The following CALR3 variants were observed in gnomAD, a reference collection of about 807,000 sequenced individuals.
CALR3 encodes calreticulin 3.
Under a neutral mutation model 48.7 loss-of-function variants are expected in CALR3, and 39 were observed. That is an observed-to-expected ratio of 0.80 (90% CI 0.62 to 1.05). The LOEUF is 1.05. Ranked by LOEUF, CALR3 falls within the 50% of genes least tolerant of loss-of-function variation. CALR3 has a pLI of 0.00. For missense variants in CALR3, 449 were observed against 474.7 expected (o/e 0.95, Z 0.50); for synonymous variants, 185 against 172.7 (o/e 1.07, Z -0.56).
intron 7 of CALR3, among the ~76,000 whole-genome samples, chr19:16,481,880 C>T (rs997300083): frequency 1.4e-5 from 2 of 148,076 alleles, no homozygotes; most frequent in Non-Finnish European, 3.0e-5. Flanking sequence ...CTGCTTGAGC[C>T]TAGAAGTTCT....
At chr19:16,482,237 C>T (rs2093382023) in intron 7 of CALR3, among the ~76,000 whole-genome samples, 1 of 151,602 alleles carries the variant, frequency 6.6e-6, no homozygotes, top group Admixed American at 6.6e-5. Context: ...AAAAAAAAAT[C>T]TGGATGTGGT....
At chr19:16,488,712 G>C (rs2093393018) in intron 3 of CALR3, among the ~76,000 whole-genome samples, 1 of 151,862 alleles carries the variant, frequency 6.6e-6, no homozygotes, top group Non-Finnish European at 1.5e-5. Context: ...CCGGCCTGAG[G>C]TACATTTATT....
chr19:16,480,832 G>A, intron 7 of CALR3, 126 bp from the exon 8 acceptor site: 1 of 754,902 alleles, frequency 1.3e-6, no homozygotes, highest in Non-Finnish European at 2.2e-6. Flanking sequence ...TAGAGATGGG[G>A]TCTTGCTATG....
chr19:16,489,744 G>A (rs966967990), intron 3 of CALR3, among the ~76,000 whole-genome samples: 3 of 152,236 alleles, frequency 2.0e-5, no homozygotes. Flanking sequence ...AGGAGGCGGA[G>A]ATTGCAGTGA....
chr19:16,484,582 A>C (rs2093386279), intron 4 of CALR3, among the ~76,000 whole-genome samples: 1 of 152,070 alleles, frequency 6.6e-6, no homozygotes, highest in East Asian at 1.9e-4. Context: ...CAGTGGTGCA[A>C]TCAGAGCTCA....
At position 16,495,894 on chromosome 19, in the gene CALR3, G is replaced by A. The variant is rs759970793; in HGVS notation, c.92-42C>T. The A allele has an allele frequency of 3.1e-6, 5 of 1,595,792 alleles. No individual in the cohort carries two copies. In the Admixed American group the frequency reaches 8.3e-5, roughly 27 times the overall value. On this transcript the variant is annotated intron_variant, in intron 1 of 8. Coordinates refer to ENST00000269881, the MANE Select transcript of CALR3 (RefSeq NM_145046.5). ...ATAACACCGGTTAGAGGTGATAATGGTTAATTTGGGCTAAGGGAAGGGTGA... is the reference window on the plus strand; with the variant it reads ...ATAACACCGGTTAGAGGTGATAATGATTAATTTGGGCTAAGGGAAGGGTGA...
Position 16,496,106 on chromosome 19 carries a change from G to T in CALR3, c.24C>A (p.Leu8=). The T allele has an allele frequency of 6.2e-7, 1 of 1,605,972 alleles. No homozygotes were observed. The part of the protein sequence containing the change: MARALVQ[L]WAICMLRVAL... ...CCACTCGCAGCATGCATATGGCCCAGAGCTGGACCAAAGCCCGGGCCATGG... is the reference window on the plus strand; with the variant it reads ...CCACTCGCAGCATGCATATGGCCCATAGCTGGACCAAAGCCCGGGCCATGG... The change falls in exon 1 of 9, where the codon CTC becomes CTA. Residue 8 remains leucine (L), a synonymous_variant. Coordinates refer to ENST00000269881, the MANE Select transcript of CALR3 (RefSeq NM_145046.5).
At chr19:16,480,585 G>A in intron 8 of CALR3, 29 bp downstream of exon 8, 1 of 1,460,872 alleles carries the variant, frequency 6.8e-7, no homozygotes, top group Non-Finnish European at 9.6e-7. Flanking sequence ...AAATAGTGAT[G>A]TAGGAAGAGT....
intron 3 of CALR3, among the ~76,000 whole-genome samples, chr19:16,489,659 A>T (rs1010691906): frequency 2.0e-5 from 3 of 151,246 alleles, no homozygotes; most frequent in African/African-American, 7.3e-5. Context: ...ATACAAAAAA[A>T]TTAGCCAGGT....
intron 3 of CALR3, among the ~76,000 whole-genome samples, chr19:16,486,674 T>TGTAGACA (rs1314975771): frequency 6.7e-6 from 1 of 149,750 alleles, no homozygotes; most frequent in Non-Finnish European, 1.5e-5. Flanking sequence ...CATGAGGAAA[T>TGTAGACA]GTAGACAGAT....
chr19:16,494,486 C>G (rs528858285), intron 2 of CALR3, among the ~76,000 whole-genome samples: 57 of 152,212 alleles, frequency 3.7e-4, no homozygotes, highest in Admixed American at 1.2e-3. Context: ...CTCAGCCTCC[C>G]GAGTAGCTGG....
At chr19:16,480,838 C>A in intron 7 of CALR3, 132 bp from the exon 8 acceptor site, 1 of 724,954 alleles carries the variant, frequency 1.4e-6, no homozygotes, top group Non-Finnish European at 2.3e-6. Flanking sequence ...TGGGGTCTTG[C>A]TATGTTGCCT....
In CALR3 at chr19:16,490,494, A is replaced by C; in HGVS notation, c.270T>G (p.Thr90=). 1 of 1,614,140 alleles carries C rather than the reference A, an allele frequency of 6.2e-7. No individual in the cohort carries two copies. The highest frequency in any genetic ancestry group is 8.5e-7 in the Non-Finnish European group (1 of 1,180,036). Reference sequence around the variant, plus strand: ...GTTTTACTGTGTACTGAATAACCAGAGTTTTCCCTTTATTGCTGAACGGTT... The same window carrying C: ...GTTTTACTGTGTACTGAATAACCAGCGTTTTCCCTTTATTGCTGAACGGTT... The part of the protein sequence containing the change: ...RFKPFSNKGK[T]LVIQYTVKHE... The change falls in exon 3 of 9, where the codon ACT becomes ACG. Residue 90 remains threonine, a synonymous_variant. Transcript: ENST00000269881.
intron 2 of CALR3, among the ~76,000 whole-genome samples, chr19:16,492,288 T>G (rs929529320): frequency 6.6e-6 from 1 of 150,908 alleles, no homozygotes; most frequent in Non-Finnish European, 1.5e-5. Context: ...GAAACTCCAT[T>G]TCTACTAAAA....
Position 16,485,150 on chromosome 19 carries a change from C to T in CALR3, c.492+13G>A, listed in dbSNP as rs2093387264. The T allele has an allele frequency of 6.5e-6, 10 of 1,530,908 alleles. No homozygotes were observed. The highest frequency in any genetic ancestry group is 9.1e-6 in the Non-Finnish European group (10 of 1,104,738). The allele number at this position is 1,530,908 out of a possible 1,614,324, so 94.8% of individuals were successfully genotyped here. On this transcript the variant is annotated intron_variant, in intron 4 of 8. Coordinates refer to ENST00000269881, the MANE Select transcript of CALR3 (RefSeq NM_145046.5). ...GAGTTAACACTCATTTATTTGAATACAAGAGCAGTTACCTTACACCTGATC... is the reference window on the plus strand; with the variant it reads ...GAGTTAACACTCATTTATTTGAATATAAGAGCAGTTACCTTACACCTGATC...
At chr19:16,486,746 G>A (rs1168940595) in intron 3 of CALR3, among the ~76,000 whole-genome samples, 1 of 151,752 alleles carries the variant, frequency 6.6e-6, no homozygotes, top group Non-Finnish European at 1.5e-5. Context: ...TCATGCAAAT[G>A]TCAAGACTGA....
chr19:16,479,130 A>C lies in CALR3; in HGVS notation c.*1T>G. 6.2e-7 allele frequency: 1 copy of C among 1,614,170 alleles called. No individual in the cohort carries two copies. Among genetic ancestry groups the C allele is most frequent in the Non-Finnish European group, 8.5e-7 (1 of 1,180,008 alleles). On this transcript the variant is annotated 3_prime_UTR_variant, in exon 9 of 9. Transcript: ENST00000269881. ...GTCATCCTTATATCCAATGGGGATC[A>C]CTAAAGTTCATTCCTTCTGTGAAAT...
At chr19:16,485,648 A>C (rs1599718899) in intron 3 of CALR3, among the ~76,000 whole-genome samples, 1 of 150,430 alleles carries the variant, frequency 6.6e-6, no homozygotes, top group East Asian at 2.0e-4. Context: ...AGATATTCAC[A>C]CTAAGATATT....
chr19:16,491,952 CT>C (rs1158388921), intron 2 of CALR3, among the ~76,000 whole-genome samples: 3 of 151,784 alleles, frequency 2.0e-5, no homozygotes, highest in Non-Finnish European at 2.9e-5. Flanking sequence ...CCTCAGCCTC[CT>C]GAGTAGCTGC....
Sources: gnomAD v4.1 joint callset for allele counts (sites outside exome capture counted in the v4.1 genomes callset) on GRCh38, gnomAD v4.1.1 for gene constraint, MANE v1.5 for transcripts, NCBI Gene and HGNC (gene_info 2026-07-23, HGNC 2026-07-21) for gene names.